DROSHA: variants seen among roughly 807,000 people sequenced by gnomAD.
DROSHA encodes ribonuclease 3.
In DROSHA, 56 loss-of-function variants were observed where a neutral mutation model predicts 181.9. That is an observed-to-expected ratio of 0.31 (90% confidence interval 0.25 to 0.38). DROSHA has a LOEUF of 0.38. Among genes scored for constraint, DROSHA ranks in the 10% least tolerant of loss-of-function variants. The pLI, the probability that DROSHA is intolerant of heterozygous loss-of-function variation, is 1.00. For missense variants in DROSHA, 1,218 were observed against 1,743.5 expected (o/e 0.70, Z 5.37); for synonymous variants, 524 against 591.2 (o/e 0.89, Z 1.65).
intron 23 of DROSHA, among the ~76,000 whole-genome samples, chr5:31,441,157 C>A: frequency 6.6e-6 from 1 of 151,576 alleles, no homozygotes; most frequent in East Asian, 1.9e-4. Flanking sequence ...GTGGCTCATG[C>A]CTGTAATCCT....
chr5:31,435,568 C>A (rs1011435766), intron 25 of DROSHA, among the ~76,000 whole-genome samples, 197 bp downstream of exon 25: 3 of 152,186 alleles, frequency 2.0e-5, no homozygotes, highest in African/African-American at 7.2e-5. Context: ...AGTTCATTAG[C>A]TGCTGGTGAA....
At chr5:31,473,391 G>A (rs1749975528) in intron 16 of DROSHA, among the ~76,000 whole-genome samples, 1 of 152,160 alleles carries the variant, frequency 6.6e-6, no homozygotes, top group African/African-American at 2.4e-5. Context: ...ATGTTACTCT[G>A]GAACTAGACC....
At chr5:31,414,019 A>T (rs1741655302) in intron 30 of DROSHA, among the ~76,000 whole-genome samples, 1 of 152,212 alleles carries the variant, frequency 6.6e-6, no homozygotes, top group South Asian at 2.1e-4. Context: ...TCCAAGGAAG[A>T]GAGAGCAGCT....
At chr5:31,413,233 G>A (rs1332670151) in intron 30 of DROSHA, among the ~76,000 whole-genome samples, 4 of 152,202 alleles carry the variant, frequency 2.6e-5, no homozygotes, top group Non-Finnish European at 5.9e-5. Context: ...AGGTCTTAAA[G>A]CAGAAGGGTG....
At position 31,526,873 on chromosome 5, in the gene DROSHA, T is replaced by A; in HGVS notation, c.60A>T (p.Arg20=). 1 of 1,613,244 alleles carries A rather than the reference T, an allele frequency of 6.2e-7. No individual in the cohort carries two copies. The highest frequency in any genetic ancestry group is 1.1e-5 in the South Asian group (1 of 91,032). ...MSFHPGRGCP[R]GRGGHGARPS... is the part of the protein sequence containing the mutation. ...GTCTGGCTCCATGTCCTCCTCGTCC[T>A]CGGGGACACCCTCGTCCCGGGTGGA... is the stretch of plus-strand genomic sequence containing the variant. Residue 20 remains arginine, a synonymous_variant, in exon 5 of 36, where the codon CGA becomes CGT. Transcript: ENST00000344624.
intron 12 of DROSHA, 30 bp downstream of exon 12, chr5:31,495,256 T>G: frequency 6.9e-6 from 11 of 1,594,104 alleles, no homozygotes; most frequent in Non-Finnish European, 9.5e-6. Context: ...ACATTTTAAA[T>G]GATATGCATG....
chr5:31,527,728 G>C (rs1452568140), intron 4 of DROSHA: 1 of 152,524 alleles, frequency 6.6e-6, no homozygotes, highest in Admixed American at 6.5e-5. Flanking sequence ...AAACCTGGCT[G>C]TGCTGGTACC....
At chr5:31,473,721 G>A (rs986377525) in intron 16 of DROSHA, among the ~76,000 whole-genome samples, 2 of 152,166 alleles carry the variant, frequency 1.3e-5, no homozygotes, top group East Asian at 3.8e-4. Context: ...GTTTCACGTA[G>A]GCAAAACTTG....
intron 27 of DROSHA, among the ~76,000 whole-genome samples, chr5:31,426,455 G>C (rs912545644): frequency 9.8e-5 from 15 of 152,294 alleles, no homozygotes; most frequent in Non-Finnish European, 2.2e-4. Context: ...TTAATACATT[G>C]TGGTAAGTCT....
intron 6 of DROSHA, among the ~76,000 whole-genome samples, chr5:31,516,750 A>G (rs1739313965): frequency 6.6e-6 from 1 of 152,230 alleles, no homozygotes; most frequent in Non-Finnish European, 1.5e-5. Context: ...TCAGTAGTAA[A>G]TCAGGAACAC....
At position 31,468,082 on chromosome 5, in the gene DROSHA, GC is replaced by G. The variant is rs773574567; in HGVS notation, c.2242-20del. ...TTGGTTTCTAGAGAGAAAAATCAAA[GC>G]CATTTATTCCCATAAGAAGTCTTTA... On this transcript the variant is annotated intron_variant, in intron 17 of 35. Transcript: ENST00000344624. 99 of 1,603,274 alleles carry G rather than the reference GC, an allele frequency of 6.2e-5. No homozygotes were observed. The highest frequency in any genetic ancestry group is 7.8e-5 in the Non-Finnish European group (92 of 1,174,174).
At position 31,411,022 on chromosome 5, in the gene DROSHA, C is replaced by A; in HGVS notation, c.3526-135G>T. On this transcript the variant is annotated intron_variant, in intron 30 of 35. Transcript: ENST00000344624. This position sits in a 1 kb window ranked among gnomAD's most constrained non-coding sequence, Gnocchi z 4.2. ...AATAAGTGAGGTCTATGGCCTCAAC[C>A]ATCACCCAGATGACAGTGATATGCT... 2 of 1,247,006 alleles carry A rather than the reference C, an allele frequency of 1.6e-6. No individual in the cohort carries two copies. Among genetic ancestry groups the A allele is most frequent in the South Asian group, 1.4e-5 (1 of 69,126 alleles). The allele number at this position is 1,247,006 out of a possible 1,614,324, so 77.2% of individuals were successfully genotyped here.
chr5:31,408,929 G>T, intron 33 of DROSHA, 127 bp downstream of exon 33: 1 of 836,522 alleles, frequency 1.2e-6, no homozygotes, highest in Non-Finnish European at 1.8e-6. Context: ...CACACTAACA[G>T]CCAAGAAGTC....
At chr5:31,481,723 T>C (rs1264596153) in intron 16 of DROSHA, among the ~76,000 whole-genome samples, 1 of 152,128 alleles carries the variant, frequency 6.6e-6, no homozygotes, top group Non-Finnish European at 1.5e-5. Context: ...CTGCCTGGAC[T>C]GAGGAAAGAG....
intron 20 of DROSHA, among the ~76,000 whole-genome samples, chr5:31,454,289 CT>C (rs1747381808): frequency 6.6e-6 from 1 of 152,142 alleles, no homozygotes. Flanking sequence ...AAAACTGAAG[CT>C]CCCTGCAAGG....
intron 23 of DROSHA, among the ~76,000 whole-genome samples, chr5:31,446,060 A>G (rs1746208089): frequency 6.6e-6 from 1 of 152,244 alleles, no homozygotes; most frequent in Non-Finnish European, 1.5e-5. Flanking sequence ...CCTAATGAAC[A>G]GGAGCAACAA....
At chr5:31,521,044 C>T in intron 6 of DROSHA, 79 bp downstream of exon 6, 1 of 1,408,354 alleles carries the variant, frequency 7.1e-7, no homozygotes, top group Non-Finnish European at 1.0e-6. Context: ...GAAGACTTGG[C>T]TGTTGCTCCA....
At chr5:31,431,453 T>C in intron 26 of DROSHA, 123 bp downstream of exon 26, 1 of 819,354 alleles carries the variant, frequency 1.2e-6, no homozygotes, top group Non-Finnish European at 1.9e-6. Context: ...GGTGTCGTCC[T>C]AGGAACCTCA....
intron 27 of DROSHA, among the ~76,000 whole-genome samples, chr5:31,428,614 A>G (rs1195228814): frequency 4.6e-5 from 7 of 152,262 alleles, no homozygotes; most frequent in Admixed American, 1.3e-4. Flanking sequence ...AACATTGTCC[A>G]GGTCATATTT....
Sources: allele counts gnomAD v4.1 joint callset (sites outside exome capture counted in the v4.1 genomes callset), GRCh38; gene constraint gnomAD v4.1.1; non-coding constraint Gnocchi (gnomAD v3.1); transcripts MANE v1.5; gene names NCBI Gene and HGNC (gene_info 2026-07-23, HGNC 2026-07-21).